Variants in FRMD3 observed in about 807,000 individuals in gnomAD.
FRMD3 encodes the protein FERM domain-containing protein 3.
Under a neutral mutation model 70.2 loss-of-function variants are expected in FRMD3, and 33 were observed. That is an observed-to-expected ratio of 0.47 (90% CI 0.36 to 0.63). FRMD3 has a LOEUF of 0.63. Among genes scored for constraint, FRMD3 ranks in the 20% least tolerant of loss-of-function variants. The probability of loss-of-function intolerance (pLI) is 0.00; values close to 1 mark genes in which losing one functional copy is unlikely to be tolerated. For synonymous variants in FRMD3, 279 were observed against 255.9 expected, an observed-to-expected ratio of 1.09 and a Z score of -0.86; for missense variants, 632 against 711.4, an observed-to-expected ratio of 0.89 and a Z score of 1.27.
Position 83,411,445 on chromosome 9 carries a change from C to T in FRMD3, c.148-21737G>A, listed in dbSNP as rs1641909942. 2.0e-5 allele frequency among the ~76,000 whole-genome samples: 3 copies of T among 152,360 alleles called. No individual in the cohort carries two copies. In the South Asian group the frequency reaches 6.2e-4, roughly 32 times the overall value. On this transcript the variant is annotated intron_variant, in intron 1 of 13. Transcript: ENST00000304195. The stretch of plus-strand genomic sequence containing the variant: ...CCAACTGATTCACTCTAAAGAAGGA[C>T]TGTCCCACCTCTTGGTTCACCCTAA...
chr9:83,486,929 C>T (rs1160759258), intron 1 of FRMD3, among the ~76,000 whole-genome samples: 1 of 152,272 alleles, frequency 6.6e-6, no homozygotes, highest in East Asian at 1.9e-4. Flanking sequence ...TAAACTCCTG[C>T]ATTAACAGTG....
chr9:83,249,398 T>C (rs919645260), intron 13 of FRMD3, among the ~76,000 whole-genome samples: 14 of 152,160 alleles, frequency 9.2e-5, no homozygotes, highest in African/African-American at 3.4e-4. Flanking sequence ...CTGCTAATTT[T>C]GAGTCTTGGA....
At chr9:83,296,395 A>C (rs1468246988) in intron 12 of FRMD3, among the ~76,000 whole-genome samples, 1 of 152,220 alleles carries the variant, frequency 6.6e-6, no homozygotes, top group Non-Finnish European at 1.5e-5. Context: ...TAGCTCATGC[A>C]TTCATTCAAC....
the FRMD3 span, among the ~76,000 whole-genome samples, chr9:83,551,456 C>T: frequency 3.9e-5 from 6 of 152,034 alleles, no homozygotes; most frequent in African/African-American, 1.4e-4. Context: ...TGTGTCTCTG[C>T]CAGGCTTTGA....
rs1487394011 is a variant in FRMD3, at chr9:83,400,337, C to T, written c.148-10629G>A. ...ATGAAATACTTAGGGATAACTCTAACAAAATATGTACAAAATCTATATCAG... is the reference window on the plus strand; with the variant it reads ...ATGAAATACTTAGGGATAACTCTAATAAAATATGTACAAAATCTATATCAG... On this transcript the variant is annotated intron_variant, in intron 1 of 13. Transcript: ENST00000304195. Among the ~76,000 whole-genome samples, 3 of 152,198 alleles carry T rather than the reference C, an allele frequency of 2.0e-5. No homozygotes were observed. The East Asian group carries it at 5.8e-4, about 29-fold the overall frequency.
At chr9:83,396,340 A>G (rs1825811314) in intron 1 of FRMD3, among the ~76,000 whole-genome samples, 1 of 152,256 alleles carries the variant, frequency 6.6e-6, no homozygotes. Context: ...AAAGCACATT[A>G]TAATAGACTT....
At chr9:83,316,148 C>CTTTTTTT (rs369641019) in intron 6 of FRMD3, among the ~76,000 whole-genome samples, 5 of 134,500 alleles carry the variant, frequency 3.7e-5, no homozygotes, top group Non-Finnish European at 3.1e-5. Context: ...TCTTTTTTCT[C>CTTTTTTT]TTTTTTTTTT....
chr9:83,507,714 A>G (rs1270688883), intron 1 of FRMD3, among the ~76,000 whole-genome samples: 1 of 103,820 alleles, frequency 9.6e-6, no homozygotes, highest in Non-Finnish European at 2.0e-5. Context: ...ATATATATAT[A>G]TATATATATA....
chr9:83,510,904 C>T (rs1228133685), intron 1 of FRMD3, among the ~76,000 whole-genome samples: 1 of 152,148 alleles, frequency 6.6e-6, no homozygotes, highest in African/African-American at 2.4e-5. Context: ...TATGGGTTTT[C>T]TTCTGGAAGG....
rs759793194 is a variant in FRMD3 at position 83,248,396 on chromosome 9, G to T, written c.1316C>A (p.Pro439His). ...GTACACTAGTTCAGAGATGGTTAAA[G>T]GTTCTTCTTTTATTTTATCTTCCTC... ...SEEEDKIKEEPLTISELVYNP... is the reference protein window; with the variant it reads ...SEEEDKIKEEHLTISELVYNP... The change falls in exon 14 of 14, where the codon CCT becomes CAT. Residue 439 changes from proline (P) to histidine (H), a missense_variant. By Grantham distance (77) the Pro-to-His change is moderately conservative. Coordinates refer to ENST00000304195, the MANE Select transcript of FRMD3 (RefSeq NM_174938.6). The T allele has an allele frequency of 9.9e-6, 16 of 1,614,032 alleles. No individual in the cohort carries two copies. Among genetic ancestry groups the T allele is most frequent in the East Asian group, 6.7e-5 (3 of 44,884 alleles).
At chr9:83,584,876 C>T in the FRMD3 span, among the ~76,000 whole-genome samples, 15 of 152,284 alleles carry the variant, frequency 9.9e-5, no homozygotes, top group Admixed American at 6.5e-5. Flanking sequence ...GCAGTGTTAG[C>T]TCTATTCATT....
At chr9:83,536,491 T>C (rs1829895506) in intron 1 of FRMD3, among the ~76,000 whole-genome samples, 1 of 152,210 alleles carries the variant, frequency 6.6e-6, no homozygotes, top group South Asian at 2.1e-4. Flanking sequence ...ACACCCACTT[T>C]AGGACTTAAA....
At chr9:83,554,746 GCTGAACTGGTA>G in the FRMD3 span, among the ~76,000 whole-genome samples, 2 of 152,208 alleles carry the variant, frequency 1.3e-5, no homozygotes, top group Admixed American at 6.5e-5. Flanking sequence ...CCAAGGAGTT[GCTGAACTGGTA>G]CTGGCTTGGT....
At chr9:83,371,773 C>T (rs1441505441) in intron 3 of FRMD3, among the ~76,000 whole-genome samples, 1 of 152,146 alleles carries the variant, frequency 6.6e-6, no homozygotes, top group Non-Finnish European at 1.5e-5. Context: ...CATCCTTCCT[C>T]ACTAACCAGA....
At chr9:83,314,121 C>T (rs745856251) in intron 6 of FRMD3, among the ~76,000 whole-genome samples, 1 of 152,176 alleles carries the variant, frequency 6.6e-6, no homozygotes, top group East Asian at 1.9e-4. Flanking sequence ...AAATGGCATG[C>T]CTTCTTGCTC....
the FRMD3 span, among the ~76,000 whole-genome samples, chr9:83,549,034 A>G: frequency 1.3e-5 from 2 of 152,052 alleles, no homozygotes; most frequent in African/African-American, 4.8e-5. Context: ...TTTGTTGTAC[A>G]TATTACTAGA....
chr9:83,357,257 ATATATATATAT>A (rs1564032705), intron 3 of FRMD3, among the ~76,000 whole-genome samples: 6 of 40,984 alleles, frequency 1.5e-4, no homozygotes, highest in African/African-American at 1.1e-3. Flanking sequence ...ATATATATAT[ATATATATATAT>A]ATATATATAT....
At chr9:83,363,256 A>C (rs917546646) in intron 3 of FRMD3, among the ~76,000 whole-genome samples, 1 of 152,190 alleles carries the variant, frequency 6.6e-6, no homozygotes, top group Non-Finnish European at 1.5e-5. Flanking sequence ...GTCACATGAA[A>C]AAATTCTATT....
intron 3 of FRMD3, chr9:83,350,914 T>C: frequency 1.7e-6 from 1 of 597,980 alleles, no homozygotes; most frequent in Non-Finnish European, 2.1e-6. Context: ...TGCATTCAGA[T>C]TTCAGTTAAC....
Sources: allele counts gnomAD v4.1 joint callset (sites outside exome capture counted in the v4.1 genomes callset), GRCh38; gene constraint gnomAD v4.1.1; transcripts MANE v1.5; gene names NCBI Gene and HGNC (gene_info 2026-07-23, HGNC 2026-07-21).